ELL: variants seen among roughly 807,000 people sequenced by gnomAD.
The protein encoded by ELL is elongation factor for RNA polymerase II.
ELL carries 18 observed loss-of-function variants against 64.0 expected under a neutral mutation model. That is an observed-to-expected ratio of 0.28 (90% CI 0.19 to 0.42). ELL has a LOEUF of 0.42. Among genes scored for constraint, ELL ranks in the 10% least tolerant of loss-of-function variants. ELL has a pLI of 1.00. For synonymous variants in ELL, 399 were observed against 376.2 expected (o/e 1.06, Z -0.70); for missense variants, 797 against 870.4 (o/e 0.92, Z 1.06).
chr19:18,487,785 T>C (rs1280682241), intron 1 of ELL, among the ~76,000 whole-genome samples: 1 of 152,244 alleles, frequency 6.6e-6, no homozygotes, highest in Non-Finnish European at 1.5e-5. Flanking sequence ...CCCAGGTGCT[T>C]ACCTTCGGAA....
chr19:18,507,770 C>T (rs6512270), intron 1 of ELL, among the ~76,000 whole-genome samples: 44,415 of 152,118 alleles, frequency 0.29, 7,782 homozygotes, highest in African/African-American at 0.49. Flanking sequence ...TGTGCCCCGC[C>T]GAACAACCAC....
intron 6 of ELL, among the ~76,000 whole-genome samples, chr19:18,455,994 T>G (rs1806980): frequency 0.47 from 71,628 of 151,430 alleles, 19,535 homozygotes; most frequent in African/African-American, 0.77. Context: ...CTACTCTGGA[T>G]GCTGAGGCAG....
chr19:18,468,882 C>T (rs1410736555), intron 2 of ELL, among the ~76,000 whole-genome samples: 2 of 152,178 alleles, frequency 1.3e-5, no homozygotes, highest in African/African-American at 4.8e-5. Context: ...TGGCCTGGGG[C>T]AGCTGTACAC....
chr19:18,444,630 C>G lies in ELL; in HGVS notation c.*122G>C, dbSNP rs1974369869. On this transcript the variant is annotated 3_prime_UTR_variant, in exon 12 of 12. Transcript: ENST00000262809. ...GGGCCAGACGTCTGCAGGGGCTGCC[C>G]TGAAAGCCGGCGGTGCTGGCTCAGA... 2 of 1,142,992 alleles carry G rather than the reference C, an allele frequency of 1.7e-6. No homozygotes were observed. The highest frequency in any genetic ancestry group is 2.4e-5 in the Admixed American group (1 of 41,096). The allele number at this position is 1,142,992 out of a possible 1,614,324, so 70.8% of individuals were successfully genotyped here.
chr19:18,503,232 G>A (rs768569708), intron 1 of ELL, among the ~76,000 whole-genome samples: 4 of 152,232 alleles, frequency 2.6e-5, no homozygotes, highest in Non-Finnish European at 4.4e-5. Context: ...TCAGGGCCGC[G>A]GGTATCTTTA....
At chr19:18,490,020 C>T (rs1393852866) in intron 1 of ELL, among the ~76,000 whole-genome samples, 1 of 152,216 alleles carries the variant, frequency 6.6e-6, no homozygotes, top group Non-Finnish European at 1.5e-5. Context: ...CAGCCACCTG[C>T]ACGCGGGGCC....
chr19:18,473,206 C>CA (rs1391618161), intron 1 of ELL: 1 of 615,480 alleles, frequency 1.6e-6, no homozygotes, highest in East Asian at 3.4e-5. Flanking sequence ...AAGCCACCAC[C>CA]AGCCTGTGAA....
At chr19:18,466,600 G>T (rs1044672212) in intron 2 of ELL, among the ~76,000 whole-genome samples, 27 of 152,330 alleles carry the variant, frequency 1.8e-4, no homozygotes, top group African/African-American at 5.5e-4. Flanking sequence ...GACAGCCAGG[G>T]GCAGGCAGGC....
chr19:18,455,271 T>A (rs954825090), intron 6 of ELL, among the ~76,000 whole-genome samples: 2 of 149,938 alleles, frequency 1.3e-5, no homozygotes, highest in African/African-American at 4.9e-5. Context: ...GGCGGGTGGA[T>A]CATGAGGTCA....
At chr19:18,457,417 G>C (rs1483108955) in intron 6 of ELL, among the ~76,000 whole-genome samples, 4 of 152,206 alleles carry the variant, frequency 2.6e-5, no homozygotes, top group African/African-American at 4.8e-5. Context: ...TGCCCCGCAG[G>C]CCCCTGACCT....
intron 1 of ELL, among the ~76,000 whole-genome samples, chr19:18,475,287 TA>T (rs887626914): frequency 5.3e-5 from 8 of 150,962 alleles, no homozygotes; most frequent in African/African-American, 1.9e-4. Flanking sequence ...TTTTAAAAAA[TA>T]AAAAAAAACA....
At chr19:18,484,660 C>T (rs888169365) in intron 1 of ELL, among the ~76,000 whole-genome samples, 1 of 152,104 alleles carries the variant, frequency 6.6e-6, no homozygotes, top group African/African-American at 2.4e-5. Flanking sequence ...CAAAACAAAA[C>T]ATAACAAAAC....
chr19:18,480,391 G>A (rs1215067588), intron 1 of ELL, among the ~76,000 whole-genome samples: 1 of 152,236 alleles, frequency 6.6e-6, no homozygotes, highest in Non-Finnish European at 1.5e-5. Context: ...AGTGAGCTTG[G>A]TTGGCTCAGG....
At chr19:18,514,903 G>A (rs529303515) in intron 1 of ELL, among the ~76,000 whole-genome samples, 40 of 152,352 alleles carry the variant, frequency 2.6e-4, no homozygotes, top group African/African-American at 8.9e-4. Flanking sequence ...CAGCTGCTTC[G>A]AGCCCAGGGC....
At chr19:18,507,747 G>C (rs570826876) in intron 1 of ELL, among the ~76,000 whole-genome samples, 2 of 152,358 alleles carry the variant, frequency 1.3e-5, no homozygotes, top group Non-Finnish European at 2.9e-5. Context: ...GTAGGAGATT[G>C]CACTGTGTAG....
At chr19:18,447,621 C>T (rs868445381) in intron 8 of ELL, among the ~76,000 whole-genome samples, 38 of 152,242 alleles carry the variant, frequency 2.5e-4, no homozygotes, top group Admixed American at 5.2e-4. Context: ...CATAAGACAA[C>T]ACCCCTGAGG....
At position 18,449,110 on chromosome 19, in the gene ELL, G is replaced by A. The variant is rs552373526; in HGVS notation, c.1465+1367C>T. ...TGGTAGAGATGACAGCCCCTGGGCC[G>A]GGGATGAACTGCCTAGGGGCCAACA... On this transcript the variant is annotated intron_variant, in intron 8 of 11. Coordinates refer to ENST00000262809, the MANE Select transcript of ELL (RefSeq NM_006532.4). The surrounding 1 kb of genome is among the most constrained non-coding windows in gnomAD (Gnocchi z 4.4). Among the ~76,000 whole-genome samples the A allele has an allele frequency of 3.9e-5, 6 of 152,178 alleles. No homozygotes were observed. Among genetic ancestry groups the A allele is most frequent in the Admixed American group, 1.3e-4 (2 of 15,302 alleles).
rs781267249 is a variant in ELL at position 18,458,347 on chromosome 19, CCAT to C, written c.745-21_745-19del. ...TTGGCCACCTGCAAGACAGAGCCAG[CCAT>C]CACTTTGTGGGAATCCTGAGAGAGA... On this transcript the variant is annotated intron_variant, in intron 5 of 11. Transcript: ENST00000262809. The C allele has an allele frequency of 2.5e-6, 4 of 1,603,016 alleles. No homozygotes were observed. Among genetic ancestry groups the C allele is most frequent in the Non-Finnish European group, 3.4e-6 (4 of 1,173,248 alleles).
intron 2 of ELL, among the ~76,000 whole-genome samples, chr19:18,472,144 T>G (rs968511762): frequency 6.6e-6 from 1 of 152,028 alleles, no homozygotes; most frequent in Non-Finnish European, 1.5e-5. Flanking sequence ...GTATTTTTAG[T>G]AGAGACGCGT....
Sources: allele counts gnomAD v4.1 joint callset (sites outside exome capture counted in the v4.1 genomes callset), GRCh38; gene constraint gnomAD v4.1.1; non-coding constraint Gnocchi (gnomAD v3.1); transcripts MANE v1.5; gene names NCBI Gene and HGNC (gene_info 2026-07-23, HGNC 2026-07-21).